TRPM7: variants seen among roughly 807,000 people sequenced by gnomAD.
TRPM7 encodes transient receptor potential cation channel subfamily M member 7.
In TRPM7, 134 loss-of-function variants were observed where a neutral mutation model predicts 229.7. That is an observed-to-expected ratio of 0.58 (90% CI 0.51 to 0.67). The LOEUF (loss-of-function observed/expected upper bound fraction) is 0.67, where lower values mean the gene tolerates loss of function less well. Among genes scored for constraint, TRPM7 ranks in the 30% least tolerant of loss-of-function variants. The pLI, the probability that TRPM7 is intolerant of heterozygous loss-of-function variation, is 0.00. For missense variants in TRPM7, 1,901 were observed against 2,210.0 expected, an observed-to-expected ratio of 0.86 and a Z score of 2.80; for synonymous variants, 699 against 715.2, an observed-to-expected ratio of 0.98 and a Z score of 0.36.
chr15:50,667,137 G>A (rs1268494753), intron 1 of TRPM7, among the ~76,000 whole-genome samples: 1 of 152,014 alleles, frequency 6.6e-6, no homozygotes, highest in Non-Finnish European at 1.5e-5. Context: ...CGACTCTGGG[G>A]GTGTCTAATG....
chr15:50,614,877 G>A (rs1227583232), intron 13 of TRPM7, among the ~76,000 whole-genome samples: 1 of 151,932 alleles, frequency 6.6e-6, no homozygotes, highest in Non-Finnish European at 1.5e-5. Context: ...CTTTACACAT[G>A]AGACAAAGCA....
At chr15:50,669,489 G>A (rs1201143074) in intron 1 of TRPM7, among the ~76,000 whole-genome samples, 3 of 152,014 alleles carry the variant, frequency 2.0e-5, no homozygotes, top group Non-Finnish European at 4.4e-5. Context: ...AAGTCTTATC[G>A]GAGATTCCTT....
rs983982292 is a variant in TRPM7, at chr15:50,588,318, C to A, written c.4389+1274G>T. On this transcript the variant is annotated intron_variant, in intron 27 of 38. Transcript: ENST00000646667. Reference sequence around the variant, plus strand: ...AGGCAAATACAGAAAGGAAAAAACCCAGGTAATCATTACACCTCAATTTGC... The same window carrying A: ...AGGCAAATACAGAAAGGAAAAAACCAAGGTAATCATTACACCTCAATTTGC... 5 of 759,580 alleles carry A rather than the reference C, an allele frequency of 6.6e-6. No homozygotes were observed. In the African/African-American group the frequency reaches 9.5e-5, roughly 14 times the overall value. 47.1% of individuals were successfully genotyped at this position (759,580 alleles called of 1,614,324 possible).
At chr15:50,632,531 T>A (rs903934608) in intron 9 of TRPM7, among the ~76,000 whole-genome samples, 39 of 152,124 alleles carry the variant, frequency 2.6e-4, no homozygotes, top group African/African-American at 9.2e-4. Context: ...ACATTAAAAA[T>A]TTTTTTCCAA....
intron 26 of TRPM7, among the ~76,000 whole-genome samples, chr15:50,591,314 C>T (rs1566967363): frequency 6.6e-6 from 1 of 152,088 alleles, no homozygotes; most frequent in Non-Finnish European, 1.5e-5. Flanking sequence ...TGATTCTAAC[C>T]TCCCCTATGA....
chr15:50,602,020 A>T lies in TRPM7; in HGVS notation c.2989-2724T>A, dbSNP rs534603475. The stretch of plus-strand genomic sequence containing the variant: ...TAAAGAAATACCATTTGACCCAGCA[A>T]TCCCATTACTGGGTATATACCCAAA... On this transcript the variant is annotated intron_variant, in intron 21 of 38. Transcript: ENST00000646667. Among the ~76,000 whole-genome samples the T allele has an allele frequency of 3.3e-5, 5 of 151,626 alleles. No homozygotes were observed. In the South Asian group the frequency reaches 1.0e-3, roughly 32 times the overall value.
intron 2 of TRPM7, among the ~76,000 whole-genome samples, chr15:50,658,094 TC>T (rs2061627046): frequency 6.7e-6 from 1 of 149,732 alleles, no homozygotes; most frequent in Non-Finnish European, 1.5e-5. Flanking sequence ...AAGCTCCGCC[TC>T]CCGGGTTCAC....
intron 3 of TRPM7, among the ~76,000 whole-genome samples, chr15:50,651,248 T>G (rs931418302): frequency 1.3e-5 from 2 of 151,858 alleles, no homozygotes; most frequent in African/African-American, 4.8e-5. Flanking sequence ...CAGAAAACTA[T>G]CAATAAAATA....
At position 50,586,457 on chromosome 15, in the gene TRPM7, C is replaced by A. The variant is rs35293353; in HGVS notation, c.4421G>T (p.Arg1474Leu). The A allele has an allele frequency of 1.2e-6, 2 of 1,612,824 alleles. No homozygotes were observed. Among genetic ancestry groups the A allele is most frequent in the Non-Finnish European group, 8.5e-7 (1 of 1,179,092 alleles). The change falls in exon 28 of 39, where the codon CGA becomes CTA. Residue 1474 changes from arginine (R) to leucine (L), a missense_variant. Arg to Leu is a moderately radical substitution (Grantham distance 102). Coordinates refer to ENST00000646667, the MANE Select transcript of TRPM7 (RefSeq NM_017672.6). ...NNNTSENTLK[R>L]VSSLAGFTDC... ...AGTAAATCCAGCAAGAGAACTCACT[C>A]GTTTCAAAGTGTTTTCAGAAGTATT...
At chr15:50,566,839 G>C (rs908607118) in intron 38 of TRPM7, among the ~76,000 whole-genome samples, 1 of 151,918 alleles carries the variant, frequency 6.6e-6, no homozygotes, top group African/African-American at 2.4e-5. Flanking sequence ...AAACAGAAAA[G>C]CAAGAGTAAA....
chr15:50,679,538 A>ATATATATT lies in TRPM7; in HGVS notation c.3+6992_3+6993insAATATATA, dbSNP rs1400383980. On this transcript the variant is annotated intron_variant, in intron 1 of 38. Transcript: ENST00000646667. ...TATATATATATATATATATATATAT[A>ATATATATT]TTTTTTTTTTTTTTTGAGACAGAGT... Among the ~76,000 whole-genome samples, 9 of 43,898 alleles carry ATATATATT rather than the reference A, an allele frequency of 2.1e-4. 1 individual carries two copies. The highest frequency in any genetic ancestry group is 9.7e-4 in the African/African-American group (9 of 9,314). The allele number at this position is 43,898 out of a possible 152,430, so 28.8% of individuals were successfully genotyped here. A position where few individuals can be genotyped will look rare whatever the true frequency, so the allele number is the denominator to read the frequency against.
Position 50,592,627 on chromosome 15 carries a change from C to T in TRPM7, c.3609-1G>A. ...AATCTGAATGCACATCTGTTCCACT[C>T]TGTAGGAGAGAAATAAGCTTTTTTT... is the stretch of plus-strand genomic sequence containing the variant. On this transcript the variant is annotated splice_acceptor_variant, in intron 25 of 38. Transcript: ENST00000646667. LOFTEE classifies it high-confidence loss of function. The T allele has an allele frequency of 6.5e-7, 1 of 1,527,094 alleles. No homozygotes were observed. The highest frequency in any genetic ancestry group is 2.3e-5 in the East Asian group (1 of 43,752). 94.6% of individuals were successfully genotyped at this position (1,527,094 alleles called of 1,614,324 possible). A position where few individuals can be genotyped will look rare whatever the true frequency, so the allele number is the denominator to read the frequency against.
At chr15:50,565,267 G>A (rs998633473) in intron 38 of TRPM7, among the ~76,000 whole-genome samples, 10 of 151,988 alleles carry the variant, frequency 6.6e-5, no homozygotes, top group Non-Finnish European at 1.2e-4. Flanking sequence ...CAGGGGTACC[G>A]TGCTGGCTTA....
At chr15:50,647,446 C>G (rs956152087) in intron 4 of TRPM7, among the ~76,000 whole-genome samples, 1 of 150,026 alleles carries the variant, frequency 6.7e-6, no homozygotes, top group African/African-American at 2.4e-5. Context: ...TATTCTTTTT[C>G]TAAAGAACAG....
intron 3 of TRPM7, among the ~76,000 whole-genome samples, chr15:50,651,831 G>A (rs936322963): frequency 2.6e-5 from 4 of 151,902 alleles, no homozygotes; most frequent in African/African-American, 9.7e-5. Flanking sequence ...GGGTTGCAGT[G>A]AGCTGAGATC....
At position 50,648,743 on chromosome 15, in the gene TRPM7, T is replaced by C. The variant is rs2061336911; in HGVS notation, c.265A>G (p.Thr89Ala). The change falls in exon 4 of 39, where the codon ACG (threonine) becomes GCG (alanine). Residue 89 changes from threonine (T) to alanine (A), a missense_variant. Thr to Ala is a moderately conservative substitution (Grantham distance 58). Coordinates refer to ENST00000646667, the MANE Select transcript of TRPM7 (RefSeq NM_017672.6). ...AAATTTATGACTCCATAAGCATCCG[T>C]TGGGCTCTGTTCTGTATGCTTTTCC... ...SVEKHTEQSP[T>A]DAYGVINFQG... is the part of the protein sequence containing the mutation. 1.2e-6 allele frequency: 2 copies of C among 1,613,180 alleles called. No homozygotes were observed. The highest frequency in any genetic ancestry group is 1.3e-5 in the African/African-American group (1 of 75,032).
chr15:50,579,958 G>C (rs2054322649), intron 30 of TRPM7, among the ~76,000 whole-genome samples: 1 of 152,074 alleles, frequency 6.6e-6, no homozygotes, highest in Non-Finnish European at 1.5e-5. Flanking sequence ...AGCTAATTTA[G>C]AGATGGGGTC....
chr15:50,674,333 T>C (rs180789939), intron 1 of TRPM7, among the ~76,000 whole-genome samples: 291 of 152,230 alleles, frequency 1.9e-3, no homozygotes, highest in Non-Finnish European at 3.7e-3. Context: ...GGTTTCACCA[T>C]GTTGGTCAGG....
chr15:50,592,261 G>A lies in TRPM7; in HGVS notation c.3974C>T (p.Pro1325Leu), dbSNP rs1270675478. ...GTCTTGACCAAATATATTACACTGG[G>A]GATCTTTGTCATCTTTCATTAAAAT... ...CNILMKDDKDPQCNIFGQDLP... is the reference protein window; with the variant it reads ...CNILMKDDKDLQCNIFGQDLP... The change falls in exon 26 of 39, where the codon CCC becomes CTC. Residue 1325 changes from proline (P) to leucine (L), a missense_variant. Physicochemically the swap from Pro to Leu is moderately conservative, Grantham distance 98. This residue lies in a region of TRPM7 where 533 missense variants were observed against 497.1 expected (regional missense o/e 1.07). Coordinates refer to ENST00000646667, the MANE Select transcript of TRPM7 (RefSeq NM_017672.6). 1 of 1,613,706 alleles carries A rather than the reference G, an allele frequency of 6.2e-7. No individual in the cohort carries two copies. The highest frequency in any genetic ancestry group is 8.5e-7 in the Non-Finnish European group (1 of 1,179,908).
Sources: gnomAD v4.1 joint callset for allele counts (sites outside exome capture counted in the v4.1 genomes callset) on GRCh38, gnomAD v4.1.1 for gene constraint, gnomAD v4.1.1 regional missense constraint, MANE v1.5 for transcripts, NCBI Gene and HGNC (gene_info 2026-07-23, HGNC 2026-07-21) for gene names.